The following KCTD14 variants were observed in gnomAD, a reference collection of about 807,000 sequenced individuals.
The protein encoded by KCTD14 is BTB/POZ domain-containing protein KCTD14.
Under a neutral mutation model 5.9 loss-of-function variants are expected in KCTD14, and 7 were observed. That is an observed-to-expected ratio of 1.19 (90% CI 0.68 to 2.23). The LOEUF is 2.23. KCTD14 is among the 30% of genes most tolerant of loss of function. The probability of loss-of-function intolerance (pLI) is 0.00; values close to 1 mark genes in which losing one functional copy is unlikely to be tolerated. For synonymous variants in KCTD14, 140 were observed against 133.1 expected (o/e 1.05, Z -0.36); for missense variants, 342 against 332.2 (o/e 1.03, Z -0.23).
At position 78,017,121 on chromosome 11, in the gene KCTD14, G is replaced by A. The variant is rs200262614; in HGVS notation, c.240C>T (p.Asp80=). 2 of 1,614,174 alleles carry A rather than the reference G, an allele frequency of 1.2e-6. No individual in the cohort carries two copies. The highest frequency in any genetic ancestry group is 2.2e-5 in the East Asian group (1 of 44,868). Residue 80 remains aspartate (D), a synonymous_variant, in exon 2 of 2, where the codon GAC becomes GAT. Transcript: ENST00000353172. ...STDAEGRFFI[D]RPSTYFRPIL... ...TGGGTCTGAAATAGGTGCTGGGGCG[G>A]TCGATGAAGAAGCGGCCCTCCGCGT...
intron 1 of KCTD14, among the ~76,000 whole-genome samples, chr11:78,018,599 C>A (rs529927807): frequency 6.6e-6 from 1 of 151,604 alleles, no homozygotes; most frequent in South Asian, 2.1e-4. Flanking sequence ...CCCAGCTGCT[C>A]GGGAGGCTGA....
upstream of KCTD14, among the ~76,000 whole-genome samples, chr11:78,024,698 C>T (rs1405128180): frequency 1.3e-5 from 2 of 151,876 alleles, no homozygotes; most frequent in Admixed American, 6.6e-5. Flanking sequence ...GTAATCTCAG[C>T]ACTTTGGGAG....
intron 2 of KCTD14, among the ~76,000 whole-genome samples, chr11:78,037,058 C>G (rs1204534707): frequency 6.6e-6 from 1 of 152,192 alleles, no homozygotes; most frequent in Non-Finnish European, 1.5e-5. Context: ...AAAACCAGGT[C>G]CCTCTGAGCC....
chr11:78,020,485 G>A (rs1167362087), intron 1 of KCTD14, among the ~76,000 whole-genome samples: 1 of 152,346 alleles, frequency 6.6e-6, no homozygotes, highest in East Asian at 1.9e-4. Flanking sequence ...CCAAACAATA[G>A]AGCTGAGAAA....
At chr11:78,018,023 G>C (rs945941735) in intron 1 of KCTD14, among the ~76,000 whole-genome samples, 1 of 152,146 alleles carries the variant, frequency 6.6e-6, no homozygotes, top group Admixed American at 6.5e-5. Context: ...CCTGAACCTA[G>C]GAGGTGGAGG....
intron 1 of KCTD14, among the ~76,000 whole-genome samples, chr11:78,039,185 T>C (rs1256518848): frequency 6.6e-6 from 1 of 151,846 alleles, no homozygotes; most frequent in Non-Finnish European, 1.5e-5. Context: ...ACTACATATA[T>C]ATCCACTAAC....
Position 78,023,155 on chromosome 11 carries a change from C to T in KCTD14, c.90+5G>A. 6.3e-7 allele frequency: 1 copy of T among 1,576,778 alleles called. No individual in the cohort carries two copies. The highest frequency in any genetic ancestry group is 8.6e-7 in the Non-Finnish European group (1 of 1,161,074). ...GCGCGGGGACGCAGCTAGCCTCGCA[C>T]TTACCGTTGGCCGCCTGGGCCGGGG... is the stretch of plus-strand genomic sequence containing the variant. On this transcript the variant is annotated splice_donor_5th_base_variant and intron_variant, in intron 1 of 1. Coordinates refer to ENST00000353172, the MANE Select transcript of KCTD14 (RefSeq NM_023930.4).
chr11:78,042,619 T>C (rs1012903465), intron 1 of KCTD14, among the ~76,000 whole-genome samples: 5 of 152,228 alleles, frequency 3.3e-5, no homozygotes, highest in African/African-American at 1.2e-4. Flanking sequence ...GCCACCTTCG[T>C]GTTGAAGCAG....
Position 78,017,083 on chromosome 11 carries a change from A to G in KCTD14, c.278T>C (p.Leu93Pro), listed in dbSNP as rs1857189248. The G allele has an allele frequency of 6.2e-7, 1 of 1,614,118 alleles. No homozygotes were observed. Among genetic ancestry groups the G allele is most frequent in the African/African-American group, 1.3e-5 (1 of 74,938 alleles). The change falls in exon 2 of 2, where the codon CTG (leucine) becomes CCG (proline). Residue 93 changes from leucine to proline, a missense_variant. By Grantham distance (98) the Leu-to-Pro change is moderately conservative (BLOSUM62 -3). Transcript: ENST00000353172. Reference protein sequence around the residue: ...STYFRPILDYLRTGQVPTQHI... With the variant: ...STYFRPILDYPRTGQVPTQHI... ...CTGTGTGGGCACTTGCCCAGTGCGC[A>G]GGTAGTCCAGGATGGGTCTGAAATA... is the stretch of plus-strand genomic sequence containing the variant.
intron 1 of KCTD14, 38 bp from the exon 2 acceptor site, chr11:78,017,308 C>T: frequency 6.6e-7 from 1 of 1,526,004 alleles, no homozygotes; most frequent in Non-Finnish European, 8.8e-7. Flanking sequence ...AACACGCCAT[C>T]TCCCCTGAGC....
At chr11:78,042,180 C>G (rs1251456429) in intron 1 of KCTD14, among the ~76,000 whole-genome samples, 1 of 152,188 alleles carries the variant, frequency 6.6e-6, no homozygotes, top group Admixed American at 6.5e-5. Flanking sequence ...TGGGCATATG[C>G]CAAGCTAACT....
rs572222092 is a variant in KCTD14 at position 78,042,687 on chromosome 11, A to T, written c.-96+3374T>A. ...TTGCCTCATGCCAAGGAAATCAAGG[A>T]CACGGACTCACACAAGGAGTGAGTT... On this transcript the variant is annotated intron_variant, in intron 1 of 2. Transcript: ENST00000533144. 2.6e-4 allele frequency among the ~76,000 whole-genome samples: 39 copies of T among 152,338 alleles called. No individual in the cohort carries two copies. The Middle Eastern group carries it at 0.01, about 40-fold the overall frequency.
intron 1 of KCTD14, among the ~76,000 whole-genome samples, chr11:78,038,983 C>T (rs972518589): frequency 1.3e-5 from 2 of 150,936 alleles, no homozygotes; most frequent in African/African-American, 4.9e-5. Context: ...CAGGAATTGG[C>T]GCCCTGCCTA....
intron 1 of KCTD14, among the ~76,000 whole-genome samples, chr11:78,018,819 G>A (rs1414339863): frequency 6.6e-6 from 1 of 152,144 alleles, no homozygotes; most frequent in African/African-American, 2.4e-5. Flanking sequence ...AAAGCTGGGG[G>A]TGAAGTAGGA....
At chr11:78,019,011 G>A (rs1395893155) in intron 1 of KCTD14, among the ~76,000 whole-genome samples, 1 of 149,980 alleles carries the variant, frequency 6.7e-6, no homozygotes, top group African/African-American at 2.5e-5. Flanking sequence ...ATTTAAAAAT[G>A]GAATTTTTTC....
chr11:78,038,517 G>T, intron 2 of KCTD14: 1 of 887,682 alleles, frequency 1.1e-6, no homozygotes, highest in Non-Finnish European at 1.7e-6. Flanking sequence ...TCCTGGAGAG[G>T]AATCAACCGC....
intron 1 of KCTD14, among the ~76,000 whole-genome samples, chr11:78,017,828 G>A (rs1857212414): frequency 2.0e-5 from 3 of 152,178 alleles, no homozygotes; most frequent in Admixed American, 1.3e-4. Context: ...CAGGCACGGT[G>A]GCTCACGCCT....
At chr11:78,033,688 A>G (rs1591189293) in intron 2 of KCTD14, among the ~76,000 whole-genome samples, 1 of 151,532 alleles carries the variant, frequency 6.6e-6, no homozygotes, top group Non-Finnish European at 1.5e-5. Context: ...TCTCAAAAAA[A>G]AAAAAAAAAA....
exon 1 of KCTD14, chr11:78,046,184 G>A (rs369898395): frequency 3.2e-6 from 3 of 942,454 alleles, no homozygotes; most frequent in Non-Finnish European, 3.8e-6. Context: ...GAAAGAGATC[G>A]GCTCAGTGCT....
Sources: allele counts gnomAD v4.1 joint callset (sites outside exome capture counted in the v4.1 genomes callset), GRCh38; gene constraint gnomAD v4.1.1; transcripts MANE v1.5; gene names NCBI Gene and HGNC (gene_info 2026-07-23, HGNC 2026-07-21).